The following RBPJ variants were observed in gnomAD, a reference collection of about 807,000 sequenced individuals.
RBPJ encodes recombination signal binding protein for immunoglobulin kappa J region, also known as recombining binding protein suppressor of hairless.
RBPJ carries 9 observed loss-of-function variants against 67.8 expected under a neutral mutation model. The ratio of observed to expected loss-of-function variants is 0.13; its 90% CI spans 0.08 to 0.23. The LOEUF is 0.23. Ranked by LOEUF, RBPJ falls within the 10% of genes least tolerant of loss-of-function variation. RBPJ has a pLI of 1.00. For missense variants in RBPJ, 305 were observed against 595.6 expected (o/e 0.51, Z 5.08); for synonymous variants, 198 against 203.3 (o/e 0.97, Z 0.22).
At chr4:26,419,419 T>C (rs940205433) in intron 4 of RBPJ, among the ~76,000 whole-genome samples, 12 of 152,352 alleles carry the variant, frequency 7.9e-5, no homozygotes, top group African/African-American at 2.6e-4. Flanking sequence ...AATTTTCTTA[T>C]ATAGCTTTGC....
chr4:26,125,091 A>T, the RBPJ span, among the ~76,000 whole-genome samples: 1 of 152,210 alleles, frequency 6.6e-6, no homozygotes, highest in Admixed American at 6.5e-5. Flanking sequence ...GAGAGGAAAG[A>T]CACATCTCTT....
chr4:26,371,619 A>G (rs1021468635), intron 1 of RBPJ, among the ~76,000 whole-genome samples: 2 of 152,122 alleles, frequency 1.3e-5, no homozygotes, highest in African/African-American at 2.4e-5. Context: ...TCTGAATTTG[A>G]GTGATCTCTA....
intron 3 of RBPJ, among the ~76,000 whole-genome samples, chr4:26,406,762 A>C (rs960254126): frequency 6.6e-5 from 10 of 152,254 alleles, no homozygotes; most frequent in Non-Finnish European, 1.2e-4. Flanking sequence ...TGCTTACAAA[A>C]GGTTTAAGAA....
intron 1 of RBPJ, among the ~76,000 whole-genome samples, chr4:26,265,502 G>T (rs1720675008): frequency 6.6e-6 from 1 of 151,172 alleles, no homozygotes. Flanking sequence ...GGGCCATAGA[G>T]TGAGACAGTC....
intron 1 of RBPJ, chr4:26,359,585 T>G (rs1350288082): frequency 6.6e-6 from 1 of 152,116 alleles, no homozygotes; most frequent in African/African-American, 2.4e-5. Context: ...CCTCGAGGCC[T>G]TCCCTGCTTG....
At chr4:26,323,035 A>G (rs760302266) in intron 1 of RBPJ, 6 of 147,178 alleles carry the variant, frequency 4.1e-5, no homozygotes, top group Non-Finnish European at 7.5e-5. Flanking sequence ...GATAGGGGAC[A>G]TACGAGATCT....
At chr4:26,266,765 A>G (rs1036126757) in intron 1 of RBPJ, among the ~76,000 whole-genome samples, 1 of 152,208 alleles carries the variant, frequency 6.6e-6, no homozygotes, top group Non-Finnish European at 1.5e-5. Context: ...ATGGATGGAT[A>G]GATAAATGAC....
intron 1 of RBPJ, among the ~76,000 whole-genome samples, chr4:26,183,553 C>T (rs2109131252): frequency 6.6e-6 from 1 of 152,304 alleles, no homozygotes; most frequent in South Asian, 2.1e-4. Flanking sequence ...TTGATGCTCC[C>T]AACTCAGACA....
upstream of RBPJ, chr4:26,320,734 C>G (rs952514212): frequency 3.2e-6 from 5 of 1,550,376 alleles, no homozygotes; most frequent in East Asian, 9.7e-5. Flanking sequence ...CGTCCTAAAA[C>G]CCGGATAACC....
intron 1 of RBPJ, among the ~76,000 whole-genome samples, chr4:26,379,260 G>A (rs1446694446): frequency 6.6e-6 from 1 of 151,772 alleles, no homozygotes; most frequent in Non-Finnish European, 1.5e-5. Flanking sequence ...GCTCACTGCA[G>A]CCTGGTACTC....
At chr4:26,124,552 G>A in the RBPJ span, among the ~76,000 whole-genome samples, 1 of 150,184 alleles carries the variant, frequency 6.7e-6, no homozygotes, top group Non-Finnish European at 1.5e-5. Flanking sequence ...AAACATGAGT[G>A]TGCAAGCATC....
intron 1 of RBPJ, among the ~76,000 whole-genome samples, chr4:26,263,443 A>T (rs1720607996): frequency 6.6e-6 from 1 of 152,200 alleles, no homozygotes; most frequent in Admixed American, 6.5e-5. Context: ...GAAGCAAACA[A>T]CAGATTTTGG....
At chr4:26,240,849 C>T (rs1410701969) in intron 1 of RBPJ, among the ~76,000 whole-genome samples, 37 of 152,194 alleles carry the variant, frequency 2.4e-4, no homozygotes, top group Non-Finnish European at 4.4e-5. Flanking sequence ...GGAGAAAGGT[C>T]TCCAAGTTGA....
intron 1 of RBPJ, among the ~76,000 whole-genome samples, chr4:26,379,440 G>C (rs150909190): frequency 6.4e-4 from 98 of 152,256 alleles, no homozygotes; most frequent in African/African-American, 2.3e-3. Context: ...CCTTAGTTCT[G>C]CATGGCTGGG....
intron 1 of RBPJ, among the ~76,000 whole-genome samples, chr4:26,280,116 C>T (rs1721216027): frequency 6.7e-6 from 1 of 149,624 alleles, no homozygotes; most frequent in African/African-American, 2.4e-5. Context: ...GAGCCTTGGC[C>T]GGGCACGGTA....
chr4:26,317,966 C>T (rs940221043), upstream of RBPJ, among the ~76,000 whole-genome samples: 4 of 152,156 alleles, frequency 2.6e-5, no homozygotes, highest in African/African-American at 9.7e-5. Flanking sequence ...ACTGAAATAC[C>T]TTCTTGGGAT....
intron 1 of RBPJ, among the ~76,000 whole-genome samples, chr4:26,308,658 A>G (rs1577411467): frequency 1.3e-5 from 2 of 152,324 alleles, no homozygotes; most frequent in Non-Finnish European, 1.5e-5. Context: ...ATATACTACT[A>G]TTTGTCAGTG....
chr4:26,316,669 T>TAC (rs1407175756), upstream of RBPJ, among the ~76,000 whole-genome samples: 1 of 118,944 alleles, frequency 8.4e-6, no homozygotes, highest in Non-Finnish European at 1.6e-5. Context: ...TATATATATA[T>TAC]ACACATATAT....
At chr4:26,171,754 G>C (rs2109118811) in intron 1 of RBPJ, among the ~76,000 whole-genome samples, 1 of 152,312 alleles carries the variant, frequency 6.6e-6, no homozygotes, top group South Asian at 2.1e-4. Flanking sequence ...AGGGAGTAGA[G>C]ATAGTACAGC....
Sources: gnomAD v4.1 joint callset for allele counts (sites outside exome capture counted in the v4.1 genomes callset) on GRCh38, gnomAD v4.1.1 for gene constraint, MANE v1.5 for transcripts, NCBI Gene and HGNC (gene_info 2026-07-23, HGNC 2026-07-21) for gene names.